Variants in KCNQ5 observed in about 807,000 individuals in gnomAD.
KCNQ5 encodes the protein potassium voltage-gated channel subfamily Q member 5.
Under a neutral mutation model 98.2 loss-of-function variants are expected in KCNQ5, and 30 were observed. That is an observed-to-expected ratio of 0.31 (90% CI 0.23 to 0.41). The LOEUF is 0.41. Among genes scored for constraint, KCNQ5 ranks in the 10% least tolerant of loss-of-function variants. KCNQ5 has a pLI of 1.00. For missense variants in KCNQ5, 835 were observed against 1,182.5 expected (o/e 0.71, Z 4.31); for synonymous variants, 458 against 449.4 (o/e 1.02, Z -0.24).
intron 1 of KCNQ5, among the ~76,000 whole-genome samples, chr6:72,956,498 T>C (rs1378440332): frequency 6.7e-6 from 1 of 150,332 alleles, no homozygotes; most frequent in East Asian, 1.9e-4. Context: ...TCTTTTTTTT[T>C]TTTTTTTTGA....
intron 1 of KCNQ5, among the ~76,000 whole-genome samples, chr6:72,684,550 T>C (rs1767858729): frequency 3.3e-5 from 5 of 152,232 alleles, no homozygotes; most frequent in Admixed American, 3.3e-4. Context: ...TTACACATTG[T>C]ATACATGTAT....
At chr6:72,890,040 C>A (rs557392230) in intron 1 of KCNQ5, among the ~76,000 whole-genome samples, 40 of 152,310 alleles carry the variant, frequency 2.6e-4, no homozygotes, top group African/African-American at 9.6e-4. Context: ...CCTCAGCGAG[C>A]AGTCACAGTG....
At chr6:73,163,662 C>A (rs1327670263) in intron 10 of KCNQ5, among the ~76,000 whole-genome samples, 1 of 152,208 alleles carries the variant, frequency 6.6e-6, no homozygotes, top group South Asian at 2.1e-4. Context: ...GCAGAAGAAT[C>A]GCTTGAACCC....
rs576308395 is a variant in KCNQ5, at chr6:72,972,799, G to A, written c.399-31109G>A. Among the ~76,000 whole-genome samples the A allele has an allele frequency of 3.7e-4, 56 of 152,242 alleles. 1 individual carries two copies. The South Asian group carries it at 0.012, about 32-fold the overall frequency. On this transcript the variant is annotated intron_variant, in intron 1 of 13. Transcript: ENST00000370398. ...GTAAAATAAAGGCCTAATCTCAGGG[G>A]CACTATAATCTTCTCATAAGAATAC...
intron 1 of KCNQ5, among the ~76,000 whole-genome samples, chr6:72,930,023 T>C (rs1341672908): frequency 1.3e-5 from 2 of 152,124 alleles, no homozygotes; most frequent in Non-Finnish European, 2.9e-5. Flanking sequence ...CTATTTGTGC[T>C]CTCCTCCTTT....
intron 1 of KCNQ5, among the ~76,000 whole-genome samples, chr6:72,941,593 T>TCCCCCTTC (rs370010658): frequency 1.3e-3 from 180 of 140,104 alleles, no homozygotes; most frequent in Non-Finnish European, 1.9e-3. Context: ...CTCCCTTCCT[T>TCCCCCTTC]CCTCCCTTAA....
chr6:72,647,946 T>C (rs754081444), intron 1 of KCNQ5, among the ~76,000 whole-genome samples: 6 of 152,130 alleles, frequency 3.9e-5, no homozygotes, highest in Non-Finnish European at 8.8e-5. Flanking sequence ...TCAGTAAATA[T>C]TGAAGACCTA....
Position 73,167,622 on chromosome 6 carries a change from G to C in KCNQ5, c.1469-2124G>C, listed in dbSNP as rs565128502. 1.8e-4 allele frequency among the ~76,000 whole-genome samples: 27 copies of C among 152,314 alleles called. No individual in the cohort carries two copies. In the South Asian group the frequency reaches 5.4e-3, roughly 30 times the overall value. On this transcript the variant is annotated intron_variant, in intron 10 of 13. Coordinates refer to ENST00000370398, the MANE Select transcript of KCNQ5 (RefSeq NM_019842.4). ...TGCAGAAGCTGCACCTAAGTACCTGGTGTAAATTTCAATGAGCAGTTGCTA... is the reference window on the plus strand; with the variant it reads ...TGCAGAAGCTGCACCTAAGTACCTGCTGTAAATTTCAATGAGCAGTTGCTA...
At position 72,782,320 on chromosome 6, in the gene KCNQ5, G is replaced by C. The variant is rs184974656; in HGVS notation, c.398+159733G>C. Among the ~76,000 whole-genome samples, 46 of 152,148 alleles carry C rather than the reference G, an allele frequency of 3.0e-4. No homozygotes were observed. The East Asian group carries it at 8.7e-3, about 29-fold the overall frequency. On this transcript the variant is annotated intron_variant, in intron 1 of 13. Transcript: ENST00000370398. ...GATAAAGAGAAAGACATGATGACTT[G>C]AGCAGTTCTATGCAGAGCATCTTCT...
At chr6:73,172,052 T>C (rs981863871) in intron 11 of KCNQ5, among the ~76,000 whole-genome samples, 3 of 152,220 alleles carry the variant, frequency 2.0e-5, no homozygotes, top group Admixed American at 6.5e-5. Context: ...ACTTGACTGA[T>C]TTTTGTGAAG....
At chr6:73,088,168 T>C (rs929143259) in intron 5 of KCNQ5, among the ~76,000 whole-genome samples, 1 of 151,878 alleles carries the variant, frequency 6.6e-6, no homozygotes, top group Non-Finnish European at 1.5e-5. Flanking sequence ...ATTACAGGCA[T>C]GCACCACCAC....
At chr6:73,166,645 G>A (rs1369194876) in intron 10 of KCNQ5, among the ~76,000 whole-genome samples, 1 of 152,106 alleles carries the variant, frequency 6.6e-6, no homozygotes, top group Non-Finnish European at 1.5e-5. Flanking sequence ...CAAATCAGGT[G>A]GCTTGAAAGC....
intron 1 of KCNQ5, among the ~76,000 whole-genome samples, chr6:72,686,377 A>G (rs1431899897): frequency 6.6e-6 from 1 of 152,074 alleles, no homozygotes; most frequent in Non-Finnish European, 1.5e-5. Flanking sequence ...TTCAATTTAC[A>G]TTTCTTTTGT....
intron 1 of KCNQ5, among the ~76,000 whole-genome samples, chr6:72,903,980 T>A (rs1167229456): frequency 6.6e-6 from 1 of 152,214 alleles, no homozygotes; most frequent in Non-Finnish European, 1.5e-5. Flanking sequence ...TTCTTAGGGC[T>A]ATTAGTAATT....
intron 11 of KCNQ5, among the ~76,000 whole-genome samples, chr6:73,178,748 G>A (rs1778304212): frequency 6.6e-6 from 1 of 152,118 alleles, no homozygotes; most frequent in Non-Finnish European, 1.5e-5. Flanking sequence ...TGAAAGAAGA[G>A]TAGAGGAATC....
At chr6:72,787,657 C>T (rs1222862159) in intron 1 of KCNQ5, among the ~76,000 whole-genome samples, 5 of 152,184 alleles carry the variant, frequency 3.3e-5, no homozygotes, top group African/African-American at 9.7e-5. Flanking sequence ...CTTGAGTACC[C>T]GTCCTCCCAG....
intron 1 of KCNQ5, among the ~76,000 whole-genome samples, chr6:72,695,801 A>G (rs1044709602): frequency 2.6e-5 from 4 of 152,182 alleles, no homozygotes; most frequent in African/African-American, 9.6e-5. Flanking sequence ...TGGCTCATGT[A>G]TCTAATCCCA....
At chr6:72,655,035 T>C (rs1193966367) in intron 1 of KCNQ5, among the ~76,000 whole-genome samples, 1 of 95,764 alleles carries the variant, frequency 1.0e-5, no homozygotes, top group African/African-American at 4.4e-5. Context: ...TGTCTTTCTT[T>C]CTTTCTTTCT....
In KCNQ5 at chr6:73,198,434, G is replaced by A. The variant is rs1423133292; in HGVS notation, c.*3020G>A. ...TCAGTGATTCTGAAGTTCTTAATTT[G>A]CAAGTAAAATAAGTCTACTAGAGAG... On this transcript the variant is annotated 3_prime_UTR_variant, in exon 14 of 14. Transcript: ENST00000370398. The A allele has an allele frequency of 2.0e-5, 3 of 152,128 alleles. No individual in the cohort carries two copies. The highest frequency in any genetic ancestry group is 7.2e-5 in the African/African-American group (3 of 41,420). The allele number at this position is 152,128 out of a possible 1,614,324, so 9.4% of individuals were successfully genotyped here. A position where few individuals can be genotyped will look rare whatever the true frequency, so the allele number is the denominator to read the frequency against.
Sources: allele counts gnomAD v4.1 joint callset (sites outside exome capture counted in the v4.1 genomes callset), GRCh38; gene constraint gnomAD v4.1.1; transcripts MANE v1.5; gene names NCBI Gene and HGNC (gene_info 2026-07-23, HGNC 2026-07-21).